GRM5: variants seen among roughly 807,000 people sequenced by gnomAD.
GRM5 encodes glutamate metabotropic receptor 5.
GRM5 carries 19 observed loss-of-function variants against 83.1 expected under a neutral mutation model. The observed-to-expected ratio is 0.23, with a 90% CI of 0.16 to 0.34. The LOEUF (loss-of-function observed/expected upper bound fraction) is 0.34. Among genes scored for constraint, GRM5 ranks in the 10% least tolerant of loss-of-function variants. The probability of loss-of-function intolerance (pLI) is 1.00; values close to 1 mark genes in which losing one functional copy is unlikely to be tolerated. For synonymous variants in GRM5, 675 were observed against 633.6 expected, an observed-to-expected ratio of 1.07 and a Z score of -0.98; for missense variants, 1,160 against 1,588.3, an observed-to-expected ratio of 0.73 and a Z score of 4.58.
chr11:89,061,490 A>C (rs778870445), intron 1 of GRM5, among the ~76,000 whole-genome samples: 3 of 152,236 alleles, frequency 2.0e-5, no homozygotes, highest in African/African-American at 4.8e-5. Context: ...TGCTTTAGTC[A>C]CAAAAGTGAG....
chr11:88,988,529 G>T (rs1004951882), intron 2 of GRM5, among the ~76,000 whole-genome samples: 1 of 151,930 alleles, frequency 6.6e-6, no homozygotes, highest in African/African-American at 2.4e-5. Context: ...GATACTCCTC[G>T]AGAAGAGCAA....
At chr11:88,571,744 G>A (rs1232396640) in intron 7 of GRM5, among the ~76,000 whole-genome samples, 1 of 152,184 alleles carries the variant, frequency 6.6e-6, no homozygotes, top group Non-Finnish European at 1.5e-5. Flanking sequence ...ACTCCAAGAT[G>A]TAATCATCCT....
intron 3 of GRM5, among the ~76,000 whole-genome samples, chr11:88,756,122 T>C (rs1291142402): frequency 6.6e-6 from 1 of 152,190 alleles, no homozygotes; most frequent in African/African-American, 2.4e-5. Flanking sequence ...CCAATAGACA[T>C]GGAAACAGCC....
At chr11:88,701,016 G>C (rs1263372316) in intron 3 of GRM5, among the ~76,000 whole-genome samples, 4 of 152,094 alleles carry the variant, frequency 2.6e-5, no homozygotes, top group Non-Finnish European at 5.9e-5. Flanking sequence ...TCCCATTTGG[G>C]TTTTCTGTGC....
chr11:88,554,158 G>A (rs1042769098), intron 8 of GRM5, among the ~76,000 whole-genome samples: 1 of 152,038 alleles, frequency 6.6e-6, no homozygotes, highest in Non-Finnish European at 1.5e-5. Flanking sequence ...GAGGCTGTAG[G>A]GGACAATCCA....
intron 2 of GRM5, among the ~76,000 whole-genome samples, chr11:88,927,319 G>A (rs1483823623): frequency 6.6e-6 from 1 of 152,072 alleles, no homozygotes; most frequent in African/African-American, 2.4e-5. Flanking sequence ...ATATATTCTA[G>A]AAGTAAAACC....
In GRM5 at chr11:88,762,908, A is replaced by T. The variant is rs188074673; in HGVS notation, c.911+86998T>A. 2.0e-5 allele frequency among the ~76,000 whole-genome samples: 3 copies of T among 152,120 alleles called. No individual in the cohort carries two copies. The East Asian group carries it at 5.8e-4, about 29-fold the overall frequency. The stretch of plus-strand genomic sequence containing the variant: ...GACTGGAGGTCATTATCCTTAGCCA[A>T]CTAACACAGGAACAGAAAACCAAAT... On this transcript the variant is annotated intron_variant, in intron 3 of 9. Coordinates refer to ENST00000305447, the MANE Select transcript of GRM5 (RefSeq NM_001143831.3).
intron 9 of GRM5, among the ~76,000 whole-genome samples, chr11:88,510,082 T>A (rs1208148833): frequency 6.6e-6 from 1 of 152,234 alleles, no homozygotes; most frequent in African/African-American, 2.4e-5. Flanking sequence ...CCCCTGATTT[T>A]GAACATAGTG....
chr11:88,820,885 G>A (rs1041114697), intron 3 of GRM5, among the ~76,000 whole-genome samples: 2 of 152,082 alleles, frequency 1.3e-5, no homozygotes, highest in South Asian at 2.1e-4. Context: ...TTGCATAAGC[G>A]AACAAAAGCA....
intron 2 of GRM5, among the ~76,000 whole-genome samples, chr11:88,997,885 T>C (rs1591034106): frequency 1.3e-5 from 2 of 151,776 alleles, no homozygotes; most frequent in African/African-American, 2.4e-5. Context: ...TAAGGAAGAG[T>C]TCAAATATAT....
At chr11:88,524,655 A>G (rs181957770) in intron 9 of GRM5, among the ~76,000 whole-genome samples, 58 of 152,372 alleles carry the variant, frequency 3.8e-4, no homozygotes, top group South Asian at 2.3e-3. Context: ...AGTATAAAAG[A>G]ACATGCACAG....
intron 3 of GRM5, among the ~76,000 whole-genome samples, chr11:88,830,344 G>T (rs1319109795): frequency 1.4e-5 from 2 of 144,256 alleles, no homozygotes; most frequent in Non-Finnish European, 2.9e-5. Flanking sequence ...AAATAAAAGT[G>T]AGAGAGAGAG....
intron 4 of GRM5, among the ~76,000 whole-genome samples, chr11:88,619,604 AG>A (rs1461148778): frequency 6.6e-6 from 1 of 152,188 alleles, no homozygotes; most frequent in Non-Finnish European, 1.5e-5. Context: ...TTTCTTGGGT[AG>A]TGTTATTTTC....
rs181684394 is a variant in GRM5 at position 88,759,026 on chromosome 11, G to A, written c.911+90880C>T. 2.6e-5 allele frequency among the ~76,000 whole-genome samples: 4 copies of A among 152,208 alleles called. No homozygotes were observed. In the East Asian group the frequency reaches 7.7e-4, roughly 29 times the overall value. On this transcript the variant is annotated intron_variant, in intron 3 of 9. Coordinates refer to ENST00000305447, the MANE Select transcript of GRM5 (RefSeq NM_001143831.3). Reference sequence around the variant, plus strand: ...GAGAAATAAGGTTATTTTCACACAAGCAAATACTGAGGGAACCTGTTACCA... The same window carrying A: ...GAGAAATAAGGTTATTTTCACACAAACAAATACTGAGGGAACCTGTTACCA...
intron 3 of GRM5, among the ~76,000 whole-genome samples, chr11:88,842,016 T>G (rs2034077847): frequency 6.6e-6 from 1 of 152,224 alleles, no homozygotes; most frequent in Non-Finnish European, 1.5e-5. Context: ...GTACTGCAGT[T>G]AATTTTATGC....
At chr11:88,862,834 C>G (rs996441242) in intron 2 of GRM5, among the ~76,000 whole-genome samples, 1 of 151,958 alleles carries the variant, frequency 6.6e-6, no homozygotes, top group Non-Finnish European at 1.5e-5. Flanking sequence ...AGACCATCTA[C>G]AGAATAGGGA....
At chr11:88,946,511 C>T (rs1310203940) in intron 2 of GRM5, among the ~76,000 whole-genome samples, 4 of 152,072 alleles carry the variant, frequency 2.6e-5, no homozygotes, top group Non-Finnish European at 5.9e-5. Context: ...ATGTTCTTTG[C>T]AGCATCATGG....
intron 8 of GRM5, among the ~76,000 whole-genome samples, chr11:88,546,054 C>A (rs1259024763): frequency 1.3e-5 from 2 of 151,888 alleles, no homozygotes; most frequent in Non-Finnish European, 2.9e-5. Flanking sequence ...GCCTTAAGAT[C>A]TTTTTGGTTG....
intron 3 of GRM5, among the ~76,000 whole-genome samples, chr11:88,733,091 A>T (rs1941840554): frequency 6.6e-6 from 1 of 152,018 alleles, no homozygotes; most frequent in South Asian, 2.1e-4. Flanking sequence ...CAAATGGAAA[A>T]ATTCATTTTC....
Sources: allele counts gnomAD v4.1 joint callset (sites outside exome capture counted in the v4.1 genomes callset), GRCh38; gene constraint gnomAD v4.1.1; transcripts MANE v1.5; gene names NCBI Gene and HGNC (gene_info 2026-07-23, HGNC 2026-07-21).